SAMD8: variants seen among roughly 807,000 people sequenced by gnomAD.
SAMD8 encodes the protein sphingomyelin synthase-related protein 1.
Under a neutral mutation model 42.0 loss-of-function variants are expected in SAMD8, and 20 were observed. The ratio of observed to expected loss-of-function variants is 0.48; its 90% confidence interval spans 0.34 to 0.69. SAMD8 has a LOEUF of 0.69. Among genes scored for constraint, SAMD8 ranks in the 30% least tolerant of loss-of-function variants. The probability of loss-of-function intolerance (pLI) is 0.01; values close to 1 mark genes in which losing one functional copy is unlikely to be tolerated. For missense variants in SAMD8, 328 were observed against 511.6 expected (o/e 0.64, Z 3.46); for synonymous variants, 162 against 173.0 (o/e 0.94, Z 0.50).
At chr10:75,112,780 A>G (rs1416116063) in intron 1 of SAMD8, among the ~76,000 whole-genome samples, 2 of 152,212 alleles carry the variant, frequency 1.3e-5, no homozygotes, top group Non-Finnish European at 2.9e-5. Flanking sequence ...TGAAACAAGA[A>G]TTTGGACACT....
intron 2 of SAMD8, among the ~76,000 whole-genome samples, chr10:75,153,142 C>T (rs970321221): frequency 5.9e-5 from 9 of 151,896 alleles, no homozygotes; most frequent in East Asian, 3.9e-4. Flanking sequence ...CCACCACGAC[C>T]GGCTAATTTT....
At chr10:75,175,929 T>G in intron 4 of SAMD8, 137 bp from the exon 5 acceptor site, 1 of 1,477,378 alleles carries the variant, frequency 6.8e-7, no homozygotes, top group African/African-American at 1.4e-5. Flanking sequence ...TGGAATTCAT[T>G]AGACTGAAGG....
chr10:75,168,403 G>T, intron 3 of SAMD8, 138 bp from the exon 4 acceptor site: 1 of 1,481,904 alleles, frequency 6.7e-7, no homozygotes, highest in Non-Finnish European at 8.9e-7. Flanking sequence ...TGCTTTTGAT[G>T]GTCTTTAAGA....
intron 2 of SAMD8, among the ~76,000 whole-genome samples, chr10:75,161,024 C>T (rs532562615): frequency 6.6e-6 from 1 of 152,090 alleles, no homozygotes; most frequent in South Asian, 2.1e-4. Flanking sequence ...GCCGCGATTG[C>T]GCCACTGTAC....
At chr10:75,175,866 C>T (rs1840979948) in intron 4 of SAMD8, 200 bp from the exon 5 acceptor site, 2 of 985,114 alleles carry the variant, frequency 2.0e-6, no homozygotes, top group Non-Finnish European at 2.4e-6. Context: ...ATTTAATTAC[C>T]AAAATATTTC....
rs1258842861 is a variant in SAMD8, at chr10:75,177,131, C to T, written c.*439C>T. The T allele has an allele frequency of 6.4e-6, 1 of 155,448 alleles. No individual in the cohort carries two copies. Among genetic ancestry groups the T allele is most frequent in the African/African-American group, 2.4e-5 (1 of 41,472 alleles). The allele number at this position is 155,448 out of a possible 1,614,324, so 9.6% of individuals were successfully genotyped here. A position where few individuals can be genotyped will look rare whatever the true frequency, so the allele number is the denominator to read the frequency against. ...ACCCTAACAAGTGACAGTACTTGTTCTTTGGACTAATCTTTGTTTCATTTT... is the reference window on the plus strand; with the variant it reads ...ACCCTAACAAGTGACAGTACTTGTTTTTTGGACTAATCTTTGTTTCATTTT... On this transcript the variant is annotated 3_prime_UTR_variant, in exon 6 of 6. Transcript: ENST00000542569.
At chr10:75,123,136 A>G (rs1849042629) in intron 1 of SAMD8, among the ~76,000 whole-genome samples, 1 of 151,122 alleles carries the variant, frequency 6.6e-6, no homozygotes, top group African/African-American at 2.4e-5. Context: ...GGAAATGGAC[A>G]CCTCATGCTT....
Position 75,165,733 on chromosome 10 carries a change from T to C in SAMD8, c.674+993T>C, listed in dbSNP as rs767202526. Among the ~76,000 whole-genome samples, 11 of 151,328 alleles carry C rather than the reference T, an allele frequency of 7.3e-5. 1 individual carries two copies. Among genetic ancestry groups the C allele is most frequent in the South Asian group, 6.2e-4 (3 of 4,814 alleles). ...GCACATGCCTGTAACCCCAGTACTTTAGGAGGCTGAGGTGGGAGGATTGCT... is the reference window on the plus strand; with the variant it reads ...GCACATGCCTGTAACCCCAGTACTTCAGGAGGCTGAGGTGGGAGGATTGCT... On this transcript the variant is annotated intron_variant, in intron 3 of 5. Coordinates refer to ENST00000542569, the MANE Select transcript of SAMD8 (RefSeq NM_001174156.2).
intron 1 of SAMD8, among the ~76,000 whole-genome samples, chr10:75,136,915 C>T (rs150577661): frequency 6.6e-6 from 1 of 152,144 alleles, no homozygotes; most frequent in East Asian, 1.9e-4. Context: ...AGAAAAAGAA[C>T]AGAAAATTAC....
chr10:75,102,198 C>T (rs768009456), intron 1 of SAMD8, among the ~76,000 whole-genome samples: 3 of 152,112 alleles, frequency 2.0e-5, no homozygotes, highest in African/African-American at 4.8e-5. Context: ...GAGAAGGGGC[C>T]GGGCGCGGTG....
At chr10:75,152,298 G>A (rs896185842) in intron 2 of SAMD8, among the ~76,000 whole-genome samples, 24 of 150,678 alleles carry the variant, frequency 1.6e-4, no homozygotes, top group East Asian at 3.9e-4. Flanking sequence ...CGAGGCGGGC[G>A]GATCACGAGG....
At chr10:75,150,457 A>C in intron 1 of SAMD8, 57 bp from the exon 2 acceptor site, 1 of 1,532,906 alleles carries the variant, frequency 6.5e-7, no homozygotes, top group Non-Finnish European at 8.7e-7. Flanking sequence ...TTGTCTTTGA[A>C]GAAATTGTTA....
intron 3 of SAMD8, 29 bp from the exon 4 acceptor site, chr10:75,168,511 CT>C (rs1416058325): frequency 6.2e-7 from 1 of 1,605,850 alleles, no homozygotes; most frequent in Non-Finnish European, 8.5e-7. Flanking sequence ...TTCTTCTGAT[CT>C]TTCCCCCTTT....
chr10:75,171,138 TTTTC>T (rs199760400), intron 4 of SAMD8, among the ~76,000 whole-genome samples: 2,615 of 146,366 alleles, frequency 0.018, 44 homozygotes, highest in African/African-American at 0.023. Context: ...CTAGTTTTCC[TTTTC>T]TTTCTTTCTT....
At chr10:75,164,297 A>G (rs1449954129) in intron 2 of SAMD8, among the ~76,000 whole-genome samples, 1 of 152,236 alleles carries the variant, frequency 6.6e-6, no homozygotes, top group Non-Finnish European at 1.5e-5. Flanking sequence ...ACTTCATGCA[A>G]GAAATGGGCC....
chr10:75,150,960 A>T lies in SAMD8; in HGVS notation c.432A>T (p.Arg144Ser). ...MNGKNKHSVR[R>S]LDPEYWKTIL... ...GTAAAAACAAACATTCTGTTCGAAG[A>T]TTGGACCCAGAATACTGGAAGACTA... The change falls in exon 2 of 6, where the codon AGA becomes AGT. Residue 144 changes from arginine to serine, a missense_variant. Arg to Ser is a moderately radical substitution (Grantham distance 110, BLOSUM62 -1). Transcript: ENST00000542569. 1 of 1,613,208 alleles carries T rather than the reference A, an allele frequency of 6.2e-7. No homozygotes were observed. The highest frequency in any genetic ancestry group is 8.5e-7 in the Non-Finnish European group (1 of 1,179,748).
chr10:75,145,151 G>A (rs1840104746), intron 1 of SAMD8, among the ~76,000 whole-genome samples: 1 of 151,948 alleles, frequency 6.6e-6, no homozygotes, highest in African/African-American at 2.4e-5. Flanking sequence ...TCCCTTTGTT[G>A]CTCAGGCTGA....
intron 4 of SAMD8, 79 bp from the exon 5 acceptor site, chr10:75,175,986 GA>G: frequency 6.5e-7 from 1 of 1,535,084 alleles, no homozygotes; most frequent in East Asian, 2.3e-5. Flanking sequence ...TTCAGCATTT[GA>G]ATTTCAATAG....
At chr10:75,160,012 G>A (rs1315032125) in intron 2 of SAMD8, among the ~76,000 whole-genome samples, 1 of 151,614 alleles carries the variant, frequency 6.6e-6, no homozygotes, top group Non-Finnish European at 1.5e-5. Flanking sequence ...GCAGTGAGAA[G>A]TGAGAGCTGA....
Sources: allele counts gnomAD v4.1 joint callset (sites outside exome capture counted in the v4.1 genomes callset), GRCh38; gene constraint gnomAD v4.1.1; transcripts MANE v1.5; gene names NCBI Gene and HGNC (gene_info 2026-07-23, HGNC 2026-07-21).